Variants in FHIT observed in about 807,000 individuals in gnomAD.
The protein encoded by FHIT is bis(5'-adenosyl)-triphosphatase.
A neutral mutation model predicts 17.9 loss-of-function variants in FHIT; 19 were observed. That is an observed-to-expected ratio of 1.06 (90% CI 0.74 to 1.56). The LOEUF (loss-of-function observed/expected upper bound fraction) is 1.56. Among genes scored for constraint, FHIT ranks in the 40% most tolerant of loss-of-function variants. The pLI is 0.00. For synonymous variants in FHIT, 81 were observed against 69.7 expected, an observed-to-expected ratio of 1.16 and a Z score of -0.81; for missense variants, 248 against 189.2, an observed-to-expected ratio of 1.31 and a Z score of -1.82.
intron 5 of FHIT, among the ~76,000 whole-genome samples, chr3:60,457,600 G>C (rs954832456): frequency 3.9e-5 from 6 of 152,112 alleles, no homozygotes; most frequent in African/African-American, 1.2e-4. Flanking sequence ...TTAAACTAAA[G>C]AGCTTCTGCA....
intron 5 of FHIT, among the ~76,000 whole-genome samples, chr3:60,027,142 C>CAAAA (rs1321531808): frequency 1.2e-4 from 13 of 109,578 alleles, no homozygotes; most frequent in Middle Eastern, 4.7e-3. Context: ...CACACACACA[C>CAAAA]ACACACAAAA....
In FHIT at chr3:60,891,927, T is replaced by A. The variant is rs919141217; in HGVS notation, c.-110-69916A>T. 2.6e-5 allele frequency among the ~76,000 whole-genome samples: 4 copies of A among 152,182 alleles called. No individual in the cohort carries two copies. In the East Asian group the frequency reaches 7.7e-4, roughly 29 times the overall value. The stretch of plus-strand genomic sequence containing the variant: ...AGACATGTGGTTCAAAAGTCATCCA[T>A]CAAATCAAATATGGCACCAAGACTG... On this transcript the variant is annotated intron_variant, in intron 3 of 9. Coordinates refer to ENST00000492590, the MANE Select transcript of FHIT (RefSeq NM_002012.4).
chr3:60,162,942 A>G (rs1166003227), intron 5 of FHIT, among the ~76,000 whole-genome samples: 1 of 152,194 alleles, frequency 6.6e-6, no homozygotes, highest in Non-Finnish European at 1.5e-5. Flanking sequence ...CAACAAAACT[A>G]GCAAGTTCTT....
rs78479409 is a variant in FHIT at position 61,187,174 on chromosome 3, T to C, written c.-164+13443A>G. The stretch of plus-strand genomic sequence containing the variant: ...CATTCACTCAATATACAAATAATGA[T>C]TGAGCACTTGAAATCTGCAAGGCTT... On this transcript the variant is annotated intron_variant, in intron 2 of 9. Transcript: ENST00000492590. Among the ~76,000 whole-genome samples the C allele has an allele frequency of 5.8e-3, 882 of 152,250 alleles. 8 individuals are homozygous for C. Among genetic ancestry groups the C allele is most frequent in the African/African-American group, 0.02 (851 of 41,538 alleles).
At chr3:59,940,120 G>A (rs1706441356) in intron 7 of FHIT, among the ~76,000 whole-genome samples, 1 of 152,130 alleles carries the variant, frequency 6.6e-6, no homozygotes, top group African/African-American at 2.4e-5. Context: ...TTTCTTGTTT[G>A]TAAAATGAAC....
chr3:60,768,507 C>A (rs1440733155), intron 4 of FHIT, among the ~76,000 whole-genome samples: 1 of 152,168 alleles, frequency 6.6e-6, no homozygotes, highest in Non-Finnish European at 1.5e-5. Context: ...CATGGGCTGA[C>A]CAATAAGGAC....
chr3:61,194,404 G>C (rs2038798801), intron 2 of FHIT, among the ~76,000 whole-genome samples: 1 of 151,986 alleles, frequency 6.6e-6, no homozygotes, highest in Non-Finnish European at 1.5e-5. Context: ...CATACTTTGG[G>C]GGATTGGGTT....
chr3:59,757,176 G>C (rs1175585289), intron 8 of FHIT, among the ~76,000 whole-genome samples: 3 of 152,150 alleles, frequency 2.0e-5, no homozygotes, highest in Non-Finnish European at 4.4e-5. Context: ...TTTCACAGAA[G>C]CTTTGTTCTT....
chr3:60,005,130 A>G (rs1463261220), intron 7 of FHIT, among the ~76,000 whole-genome samples: 1 of 151,748 alleles, frequency 6.6e-6, no homozygotes, highest in Non-Finnish European at 1.5e-5. Flanking sequence ...TTTTCTTCTC[A>G]CCCTCATCCC....
intron 2 of FHIT, among the ~76,000 whole-genome samples, chr3:61,068,267 G>GT (rs1293001658): frequency 6.6e-6 from 1 of 152,178 alleles, no homozygotes; most frequent in African/African-American, 2.4e-5. Context: ...AAGGAAGAAT[G>GT]TTTCCTTGCT....
intron 4 of FHIT, among the ~76,000 whole-genome samples, chr3:60,540,646 A>G (rs1422048839): frequency 6.6e-6 from 1 of 152,162 alleles, no homozygotes; most frequent in East Asian, 1.9e-4. Flanking sequence ...CAGAAGAAAA[A>G]CATGTTGAGT....
intron 4 of FHIT, among the ~76,000 whole-genome samples, chr3:60,571,369 ATGAATGACGTATTACC>A (rs2037378243): frequency 3.3e-5 from 4 of 119,838 alleles, no homozygotes; most frequent in Admixed American, 1.9e-4. Flanking sequence ...AAAAAGAACA[ATGAATGACGTATTACC>A]AACACTGAGA....
chr3:61,213,185 G>A (rs1225483052), intron 1 of FHIT, among the ~76,000 whole-genome samples: 1 of 152,182 alleles, frequency 6.6e-6, no homozygotes, highest in Non-Finnish European at 1.5e-5. Flanking sequence ...TGGACTAAAT[G>A]TTCCAATTAA....
intron 5 of FHIT, among the ~76,000 whole-genome samples, chr3:60,195,278 G>A (rs1702576269): frequency 6.6e-6 from 1 of 151,916 alleles, no homozygotes; most frequent in South Asian, 2.1e-4. Flanking sequence ...CATGGATGTG[G>A]TAAAAAAGGG....
intron 8 of FHIT, among the ~76,000 whole-genome samples, chr3:59,877,300 G>C (rs889930757): frequency 6.6e-6 from 1 of 152,134 alleles, no homozygotes; most frequent in Non-Finnish European, 1.5e-5. Flanking sequence ...AATTCTTTCA[G>C]GTTTTTCCTA....
intron 3 of FHIT, among the ~76,000 whole-genome samples, chr3:60,937,023 G>C (rs1477647524): frequency 1.3e-5 from 2 of 151,776 alleles, no homozygotes; most frequent in Non-Finnish European, 2.9e-5. Context: ...TCAATTTTCA[G>C]ACCTAAAGCT....
rs575900811 is a variant in FHIT at position 59,810,073 on chromosome 3, C to T, written c.349-57752G>A. Among the ~76,000 whole-genome samples the T allele has an allele frequency of 2.6e-5, 4 of 152,198 alleles. No homozygotes were observed. The South Asian group carries it at 6.2e-4, about 24-fold the overall frequency. On this transcript the variant is annotated intron_variant, in intron 8 of 9. Transcript: ENST00000492590. Reference sequence around the variant, plus strand: ...GTTTACAAGTCACAGCAAGCAGATGCTGGTCTGCTTTAGGTGCCTCTTACG... The same window carrying T: ...GTTTACAAGTCACAGCAAGCAGATGTTGGTCTGCTTTAGGTGCCTCTTACG...
intron 5 of FHIT, among the ~76,000 whole-genome samples, chr3:60,167,926 G>T (rs1701249904): frequency 6.6e-6 from 1 of 152,108 alleles, no homozygotes; most frequent in Non-Finnish European, 1.5e-5. Context: ...CAGCTTTTTG[G>T]AGGGGGAAGA....
intron 5 of FHIT, among the ~76,000 whole-genome samples, chr3:60,365,362 C>A (rs1018630650): frequency 6.6e-6 from 1 of 151,918 alleles, no homozygotes; most frequent in South Asian, 2.1e-4. Context: ...ATGCTTAAAC[C>A]TTTGAAAAAG....
Sources: gnomAD v4.1 joint callset for allele counts (sites outside exome capture counted in the v4.1 genomes callset) on GRCh38, gnomAD v4.1.1 for gene constraint, MANE v1.5 for transcripts, NCBI Gene and HGNC (gene_info 2026-07-23, HGNC 2026-07-21) for gene names.